KIFC3: variants seen among roughly 807,000 people sequenced by gnomAD.
The protein encoded by KIFC3 is kinesin-like protein KIFC3.
KIFC3 carries 60 observed loss-of-function variants against 101.8 expected under a neutral mutation model. That is an observed-to-expected ratio of 0.59 (90% CI 0.48 to 0.73). The LOEUF is 0.73. KIFC3 is among the 30% of genes least tolerant of loss of function. The probability of loss-of-function intolerance (pLI) is 0.00; values close to 1 mark genes in which losing one functional copy is unlikely to be tolerated. For synonymous variants in KIFC3, 476 were observed against 482.7 expected, an observed-to-expected ratio of 0.99 and a Z score of 0.18; for missense variants, 966 against 1,137.1, an observed-to-expected ratio of 0.85 and a Z score of 2.16.
At chr16:57,800,570 A>C (rs555363089) in intron 1 of KIFC3, among the ~76,000 whole-genome samples, 1 of 152,318 alleles carries the variant, frequency 6.6e-6, no homozygotes, top group Middle Eastern at 3.4e-3. Flanking sequence ...CTGACTCCAC[A>C]GTGGACAGAG....
intron 1 of KIFC3, among the ~76,000 whole-genome samples, chr16:57,841,016 G>A (rs1596846837): frequency 6.6e-6 from 1 of 152,202 alleles, no homozygotes; most frequent in Non-Finnish European, 1.5e-5. Context: ...ACCCTGTCAC[G>A]TTCTGCAGTC....
chr16:57,845,126 A>C (rs1247338420), intron 1 of KIFC3, among the ~76,000 whole-genome samples: 1 of 152,080 alleles, frequency 6.6e-6, no homozygotes, highest in African/African-American at 2.4e-5. Flanking sequence ...TTCATTCCCC[A>C]CAAATCTGGT....
At chr16:57,858,907 A>G (rs2056236120) in intron 1 of KIFC3, among the ~76,000 whole-genome samples, 2 of 152,190 alleles carry the variant, frequency 1.3e-5, no homozygotes, top group African/African-American at 4.8e-5. Flanking sequence ...CTGAGATCAC[A>G]CCACTGCTTT....
intron 11 of KIFC3, 159 bp from the exon 12 acceptor site, chr16:57,764,406 G>A (rs2050214467): frequency 1.6e-6 from 1 of 609,122 alleles, no homozygotes; most frequent in South Asian, 1.9e-5. Flanking sequence ...TGACTCATGA[G>A]TCATACATTA....
Position 57,769,558 on chromosome 16 carries a change from C to T in KIFC3, c.1218+37G>A, listed in dbSNP as rs782591916. 6.9e-6 allele frequency: 11 copies of T among 1,589,480 alleles called. No individual in the cohort carries two copies. The South Asian group carries it at 1.2e-4, about 18-fold the overall frequency. Reference sequence around the variant, plus strand: ...TGTCGTGCCTCTCCCAGTGCACCCCCTTAGCCTGGACCCTCCCACCCACTG... The same window carrying T: ...TGTCGTGCCTCTCCCAGTGCACCCCTTTAGCCTGGACCCTCCCACCCACTG... On this transcript the variant is annotated intron_variant, in intron 9 of 19. Transcript: ENST00000445690. This position sits in a 1 kb window ranked among gnomAD's most constrained non-coding sequence, Gnocchi z 4.3.
At chr16:57,785,648 C>T (rs1555617393) in intron 3 of KIFC3, 21 of 1,251,134 alleles carry the variant, frequency 1.7e-5, no homozygotes, top group Non-Finnish European at 2.1e-5. Context: ...GCACCTCCTG[C>T]TGCCAAAGAG....
intron 1 of KIFC3, among the ~76,000 whole-genome samples, chr16:57,822,843 T>C (rs1240670987): frequency 2.6e-5 from 4 of 152,196 alleles, no homozygotes; most frequent in Non-Finnish European, 5.9e-5. Flanking sequence ...TTGGAGCAAT[T>C]GACAAAATCC....
chr16:57,840,616 C>T (rs564131220), intron 1 of KIFC3, among the ~76,000 whole-genome samples: 43 of 151,918 alleles, frequency 2.8e-4, no homozygotes, highest in African/African-American at 9.7e-4. Context: ...CAAAATTAGC[C>T]GGCCATGGTG....
chr16:57,759,997 T>A (rs2049636112), intron 17 of KIFC3, 161 bp from the exon 18 acceptor site: 2 of 622,030 alleles, frequency 3.2e-6, no homozygotes, highest in African/African-American at 3.7e-5. Flanking sequence ...TGGCAAGAAT[T>A]AAATGAGATA....
intron 1 of KIFC3, among the ~76,000 whole-genome samples, chr16:57,838,533 A>C (rs1195862861): frequency 1.3e-5 from 2 of 152,196 alleles, no homozygotes; most frequent in Non-Finnish European, 2.9e-5. Flanking sequence ...CGGTGTTCGG[A>C]AAGCACAGCC....
chr16:57,818,360 G>A (rs539695309), intron 1 of KIFC3, among the ~76,000 whole-genome samples: 1 of 152,156 alleles, frequency 6.6e-6, no homozygotes, highest in African/African-American at 2.4e-5. Context: ...CTAACAAGAG[G>A]AAGGTCTTTT....
intron 3 of KIFC3, chr16:57,775,028 AG>A: frequency 2.0e-6 from 3 of 1,530,958 alleles, no homozygotes; most frequent in Non-Finnish European, 2.6e-6. Context: ...ACCCTGATGC[AG>A]GGAGAGTGGG....
chr16:57,810,785 G>A (rs2055052723), intron 1 of KIFC3: 1 of 680,788 alleles, frequency 1.5e-6, no homozygotes, highest in Non-Finnish European at 1.8e-6. Context: ...AACATGTGTG[G>A]TAGGTGTTAT....
intron 1 of KIFC3, among the ~76,000 whole-genome samples, chr16:57,837,573 G>GAAAGAAAGAAAGAAAGAAAGAAAGAA (rs2055720813): frequency 6.6e-6 from 1 of 151,718 alleles, no homozygotes; most frequent in Non-Finnish European, 1.5e-5. Flanking sequence ...AAGAAAGAAA[G>GAAAGAAAGAAAGAAAGAAAGAAAGAA]AAAGAAAGAG....
chr16:57,842,457 G>A (rs780653415), intron 1 of KIFC3, among the ~76,000 whole-genome samples: 12 of 152,128 alleles, frequency 7.9e-5, no homozygotes, highest in Non-Finnish European at 1.2e-4. Flanking sequence ...GCAGCAGAGC[G>A]GGAATCACTC....
intron 1 of KIFC3, among the ~76,000 whole-genome samples, chr16:57,818,058 T>G (rs2055270611): frequency 6.6e-6 from 1 of 152,012 alleles, no homozygotes; most frequent in African/African-American, 2.4e-5. Context: ...AGACAGAGTC[T>G]CACTTTTTTG....
upstream of KIFC3, among the ~76,000 whole-genome samples, chr16:57,806,447 C>G (rs2054939085): frequency 1.3e-5 from 2 of 152,112 alleles, no homozygotes; most frequent in Admixed American, 1.3e-4. Flanking sequence ...TGCAGCATCC[C>G]CGACCCTGGA....
At chr16:57,789,490 CA>C (rs2053658227) in intron 3 of KIFC3, among the ~76,000 whole-genome samples, 1 of 152,206 alleles carries the variant, frequency 6.6e-6, no homozygotes, top group South Asian at 2.1e-4. Context: ...ATAAAACAGG[CA>C]TAGAGACAAA....
intron 11 of KIFC3, 143 bp downstream of exon 11, chr16:57,765,316 A>C: frequency 1.3e-6 from 1 of 767,660 alleles, no homozygotes; most frequent in South Asian, 2.0e-5. Flanking sequence ...CCTCCAGAGG[A>C]AGGAGCAGGA....
Sources: gnomAD v4.1 joint callset for allele counts (sites outside exome capture counted in the v4.1 genomes callset) on GRCh38, gnomAD v4.1.1 for gene constraint, Gnocchi (gnomAD v3.1) non-coding constraint, MANE v1.5 for transcripts, NCBI Gene and HGNC (gene_info 2026-07-23, HGNC 2026-07-21) for gene names.